The following SMO variants were observed in gnomAD, a reference collection of about 807,000 sequenced individuals.
SMO encodes smoothened, frizzled class receptor, also known as protein smoothened.
A neutral mutation model predicts 81.6 loss-of-function variants in SMO; 40 were observed. The ratio of observed to expected loss-of-function variants is 0.49; its 90% CI spans 0.38 to 0.64. SMO has a LOEUF of 0.64. Among genes scored for constraint, SMO ranks in the 30% least tolerant of loss-of-function variants. The pLI, the probability that SMO is intolerant of heterozygous loss-of-function variation, is 0.00. For missense variants in SMO, 916 were observed against 1,061.1 expected (o/e 0.86, Z 1.90); for synonymous variants, 434 against 432.1 (o/e 1.00, Z -0.05).
In SMO at chr7:129,211,879, C is replaced by T; in HGVS notation, c.1936+109C>T. The T allele has an allele frequency of 3.4e-6, 5 of 1,482,998 alleles. No homozygotes were observed. The highest frequency in any genetic ancestry group is 1.4e-5 in the African/African-American group (1 of 72,330). 91.9% of individuals were successfully genotyped at this position (1,482,998 alleles called of 1,614,324 possible). A position where few individuals can be genotyped will look rare whatever the true frequency, so the allele number is the denominator to read the frequency against. On this transcript the variant is annotated intron_variant, in intron 11 of 11. Coordinates refer to ENST00000249373, the MANE Select transcript of SMO (RefSeq NM_005631.5). The surrounding 1 kb of genome is among the most constrained non-coding windows in gnomAD (Gnocchi z 4.6). Reference sequence around the variant, plus strand: ...AGGAGGAGGAAGAGGAAGGAAAGGCCCCAGAGGATCTGAAGAGTGGGGCTG... The same window carrying T: ...AGGAGGAGGAAGAGGAAGGAAAGGCTCCAGAGGATCTGAAGAGTGGGGCTG...
At chr7:129,203,719 T>A (rs764500617) in intron 2 of SMO, 130 bp downstream of exon 2, 10 of 658,426 alleles carry the variant, frequency 1.5e-5, no homozygotes, top group Non-Finnish European at 2.6e-5. Flanking sequence ...AGCCATGGGG[T>A]CAACAGGACA....
chr7:129,190,078 C>G (rs1238868236), intron 1 of SMO, among the ~76,000 whole-genome samples: 1 of 152,150 alleles, frequency 6.6e-6, no homozygotes, highest in African/African-American at 2.4e-5. Flanking sequence ...CTGGCTTTCA[C>G]GGGAGATTTC....
intron 1 of SMO, among the ~76,000 whole-genome samples, chr7:129,196,416 G>A (rs1364605849): frequency 6.6e-6 from 1 of 151,638 alleles, no homozygotes. Context: ...CTGGGCTCAA[G>A]TGATCCTCCT....
chr7:129,211,416 C>T lies in SMO; in HGVS notation c.1802-220C>T. ...CCTGGGCAAGAGTAAGTCAGGGTTC[C>T]AAGAACTGGATTTCTGGCCTCCAGT... On this transcript the variant is annotated intron_variant, in intron 10 of 11. Coordinates refer to ENST00000249373, the MANE Select transcript of SMO (RefSeq NM_005631.5). This position sits in a 1 kb window ranked among gnomAD's most constrained non-coding sequence, Gnocchi z 4.6. The T allele has an allele frequency of 1.4e-6, 1 of 716,156 alleles. No individual in the cohort carries two copies. The allele number at this position is 716,156 out of a possible 1,614,324, so 44.4% of individuals were successfully genotyped here. A position where few individuals can be genotyped will look rare whatever the true frequency, so the allele number is the denominator to read the frequency against.
At chr7:129,209,730 G>A in intron 8 of SMO, 1 of 281,858 alleles carries the variant, frequency 3.5e-6, no homozygotes, top group Admixed American at 4.6e-5. Flanking sequence ...TGCAGAGCCT[G>A]CTTTAGATCC....
intron 1 of SMO, among the ~76,000 whole-genome samples, chr7:129,193,100 C>T (rs1309172706): frequency 1.3e-5 from 2 of 152,150 alleles, no homozygotes; most frequent in Non-Finnish European, 2.9e-5. Flanking sequence ...CCAAGCTGAC[C>T]AGACAAACAT....
chr7:129,210,652 A>T lies in SMO; in HGVS notation c.1652+104A>T, dbSNP rs2150654218. The T allele has an allele frequency of 1.0e-6, 1 of 966,888 alleles. No homozygotes were observed. Among genetic ancestry groups the T allele is most frequent in the Non-Finnish European group, 1.6e-6 (1 of 639,218 alleles). The allele number at this position is 966,888 out of a possible 1,614,324, so 59.9% of individuals were successfully genotyped here. On this transcript the variant is annotated intron_variant, in intron 9 of 11. Coordinates refer to ENST00000249373, the MANE Select transcript of SMO (RefSeq NM_005631.5). This position sits in a 1 kb window ranked among gnomAD's most constrained non-coding sequence, Gnocchi z 4.7. ...TCCTGCCTCTAGCACAGCCTTGGTC[A>T]GTGGTTCACCGCTGCCCCCTGGTGG...
At chr7:129,198,451 G>A (rs1475947010) in intron 1 of SMO, among the ~76,000 whole-genome samples, 1 of 152,034 alleles carries the variant, frequency 6.6e-6, no homozygotes, top group African/African-American at 2.4e-5. Context: ...CTCCTCTACC[G>A]CCCAACCAGT....
In SMO at chr7:129,206,402, T is replaced by C; in HGVS notation, c.1140+33T>C. 1 of 1,614,022 alleles carries C rather than the reference T, an allele frequency of 6.2e-7. No homozygotes were observed. Among genetic ancestry groups the C allele is most frequent in the Non-Finnish European group, 8.5e-7 (1 of 1,179,912 alleles). On this transcript the variant is annotated intron_variant, in intron 5 of 11. Transcript: ENST00000249373. The surrounding 1 kb of genome is among the most constrained non-coding windows in gnomAD (Gnocchi z 4.4). The stretch of plus-strand genomic sequence containing the variant: ...GACTGGTAGGAACGGGAGACCTGGA[T>C]GGGGTGAGTTTGAGGGAGGGGGCCA...
At chr7:129,190,332 T>G (rs73230578) in intron 1 of SMO, among the ~76,000 whole-genome samples, 8,512 of 152,232 alleles carry the variant, frequency 0.056, 264 homozygotes, top group Non-Finnish European at 0.065. Flanking sequence ...TGAACCCAAA[T>G]GTCCTTCCTT....
rs774330270 is a variant in SMO, at chr7:129,212,490, C to T, written c.*39C>T. 17 of 1,565,828 alleles carry T rather than the reference C, an allele frequency of 1.1e-5. No homozygotes were observed. In the African/African-American group the frequency reaches 2.2e-4, roughly 20 times the overall value. On this transcript the variant is annotated 3_prime_UTR_variant, in exon 12 of 12. Coordinates refer to ENST00000249373, the MANE Select transcript of SMO (RefSeq NM_005631.5). The surrounding 1 kb of genome is among the most constrained non-coding windows in gnomAD (Gnocchi z 5.0). Reference sequence around the variant, plus strand: ...GACCTGGGACAGGAAAGAGAGGAACCAATACCTTCAAGGCTCTTCTTCCTC... The same window carrying T: ...GACCTGGGACAGGAAAGAGAGGAACTAATACCTTCAAGGCTCTTCTTCCTC...
In SMO at chr7:129,189,509, G is replaced by T. The variant is rs567759461; in HGVS notation, c.331+27G>T. 125 of 1,534,246 alleles carry T rather than the reference G, an allele frequency of 8.1e-5. 1 individual carries two copies. The South Asian group carries it at 1.4e-3, about 18-fold the overall frequency. On this transcript the variant is annotated intron_variant, in intron 1 of 11. Transcript: ENST00000249373. The surrounding 1 kb of genome is among the most constrained non-coding windows in gnomAD (Gnocchi z 4.7). ...TAAGTGCGGCGGAGCCGGGTCTGGG[G>T]GGCGGGAGGTGCCGCGGTAAGATGG...
Position 129,206,183 on chromosome 7 carries a change from T to C in SMO, c.954T>C (p.Phe318=), listed in dbSNP as rs751393708. Residue 318 remains phenylalanine, a synonymous_variant, in exon 5 of 12, where the codon TTT becomes TTC. Coordinates refer to ENST00000249373, the MANE Select transcript of SMO (RefSeq NM_005631.5). This position sits in a 1 kb window ranked among gnomAD's most constrained non-coding sequence, Gnocchi z 4.4. ...SNETLSCVII[F]VIVYYALMAG... ...AGACTCTGTCCTGCGTCATCATCTT[T>C]GTCATCGTGTACTACGCCCTGATGG... The C allele has an allele frequency of 1.2e-6, 2 of 1,612,536 alleles. No homozygotes were observed. Among genetic ancestry groups the C allele is most frequent in the Non-Finnish European group, 1.7e-6 (2 of 1,179,096 alleles).
intron 1 of SMO, among the ~76,000 whole-genome samples, chr7:129,198,639 T>G (rs1268186018): frequency 1.3e-5 from 2 of 152,254 alleles, no homozygotes; most frequent in Non-Finnish European, 2.9e-5. Flanking sequence ...ACTGTAGCCT[T>G]TCAATGTTTA....
rs1793443070 is a variant in SMO at position 129,189,199 on chromosome 7, G to A, written c.48G>A (p.Gly16=). The stretch of plus-strand genomic sequence containing the variant: ...GGGGGCCGGAGCTCCCGCTCCTGGG[G>A]CTGCTGCTGCTGCTGCTGCTGGGGG... ...PARGPELPLL[G]LLLLLLLGDP... Residue 16 remains glycine, a synonymous_variant, in exon 1 of 12, where the codon GGG becomes GGA. Coordinates refer to ENST00000249373, the MANE Select transcript of SMO (RefSeq NM_005631.5). The surrounding 1 kb of genome is among the most constrained non-coding windows in gnomAD (Gnocchi z 4.7). 2 of 980,492 alleles carry A rather than the reference G, an allele frequency of 2.0e-6. No individual in the cohort carries two copies. Among genetic ancestry groups the A allele is most frequent in the South Asian group, 5.0e-5 (1 of 20,160 alleles). The allele number at this position is 980,492 out of a possible 1,614,324, so 60.7% of individuals were successfully genotyped here.
At chr7:129,207,199 G>C (rs998994250) in intron 6 of SMO, among the ~76,000 whole-genome samples, 3 of 152,132 alleles carry the variant, frequency 2.0e-5, no homozygotes, top group African/African-American at 7.2e-5. Context: ...GCTCCTGGCC[G>C]GTGCACTTGT....
At chr7:129,200,363 G>A (rs1793650425) in intron 1 of SMO, among the ~76,000 whole-genome samples, 1 of 152,122 alleles carries the variant, frequency 6.6e-6, no homozygotes. Context: ...GGAGCTCGCA[G>A]TGAGCCGAGA....
intron 1 of SMO, among the ~76,000 whole-genome samples, chr7:129,202,465 A>T (rs1301564984): frequency 1.3e-5 from 2 of 152,118 alleles, no homozygotes; most frequent in Admixed American, 6.5e-5. Flanking sequence ...TCCTAATGCA[A>T]CTTCTTGCTT....
At chr7:129,204,333 A>AAAAT (rs983479655) in intron 2 of SMO, among the ~76,000 whole-genome samples, 38 of 149,786 alleles carry the variant, frequency 2.5e-4, no homozygotes, top group African/African-American at 7.4e-4. Flanking sequence ...ACTCTGTCTC[A>AAAAT]AAATAAATAA....
Sources: gnomAD v4.1 joint callset for allele counts (sites outside exome capture counted in the v4.1 genomes callset) on GRCh38, gnomAD v4.1.1 for gene constraint, Gnocchi (gnomAD v3.1) non-coding constraint, MANE v1.5 for transcripts, NCBI Gene and HGNC (gene_info 2026-07-23, HGNC 2026-07-21) for gene names.